The following GPC6 variants were observed in gnomAD, a reference collection of about 807,000 sequenced individuals.
GPC6 encodes glypican-6.
Under a neutral mutation model 55.2 loss-of-function variants are expected in GPC6, and 14 were observed. The observed-to-expected ratio is 0.25, with a 90% CI of 0.17 to 0.40. The LOEUF is 0.40. Ranked by LOEUF, GPC6 falls within the 10% of genes least tolerant of loss-of-function variation. GPC6 has a pLI of 1.00. For synonymous variants in GPC6, 278 were observed against 259.6 expected, an observed-to-expected ratio of 1.07 and a Z score of -0.68; for missense variants, 641 against 708.5, an observed-to-expected ratio of 0.90 and a Z score of 1.08.
intron 3 of GPC6, among the ~76,000 whole-genome samples, chr13:93,882,586 A>G (rs899263825): frequency 2.6e-5 from 4 of 151,976 alleles, no homozygotes; most frequent in African/African-American, 9.7e-5. Flanking sequence ...TAATTTGTAT[A>G]CATTAGAGAT....
At chr13:93,663,508 A>G (rs1881009146) in intron 2 of GPC6, among the ~76,000 whole-genome samples, 2 of 152,212 alleles carry the variant, frequency 1.3e-5, no homozygotes, top group Non-Finnish European at 2.9e-5. Context: ...CTGTCTGAGT[A>G]GATATATCTG....
chr13:93,874,743 C>T (rs1566580514), intron 3 of GPC6, among the ~76,000 whole-genome samples: 1 of 151,518 alleles, frequency 6.6e-6, no homozygotes, highest in Non-Finnish European at 1.5e-5. Context: ...GTTGTTATTC[C>T]CACCTGGAAC....
At chr13:93,340,202 T>C (rs937331853) in intron 1 of GPC6, among the ~76,000 whole-genome samples, 3 of 151,782 alleles carry the variant, frequency 2.0e-5, no homozygotes, top group South Asian at 2.1e-4. Flanking sequence ...GCCCGGCTAA[T>C]TTTTTGTATT....
At chr13:94,365,443 T>A (rs1262871912) in intron 6 of GPC6, among the ~76,000 whole-genome samples, 1 of 152,208 alleles carries the variant, frequency 6.6e-6, no homozygotes, top group African/African-American at 2.4e-5. Context: ...CATTGCATTA[T>A]AGCATAAATA....
intron 1 of GPC6, among the ~76,000 whole-genome samples, chr13:93,400,471 G>T (rs760466012): frequency 2.9e-5 from 4 of 138,092 alleles, no homozygotes; most frequent in Non-Finnish European, 6.5e-5. Flanking sequence ...GCGGGGACAG[G>T]GTGGGGGGAG....
intron 2 of GPC6, among the ~76,000 whole-genome samples, chr13:93,591,437 C>G (rs999982805): frequency 3.3e-5 from 5 of 149,536 alleles, no homozygotes; most frequent in African/African-American, 1.2e-4. Flanking sequence ...GCACTCCAGC[C>G]TGGGCGACAG....
chr13:94,395,283 A>G (rs1880848238), intron 7 of GPC6, among the ~76,000 whole-genome samples: 1 of 152,266 alleles, frequency 6.6e-6, no homozygotes, highest in African/African-American at 2.4e-5. Flanking sequence ...AGTAAAAGGC[A>G]GGACAGAAGT....
chr13:93,292,069 T>C (rs2139081365), intron 1 of GPC6, among the ~76,000 whole-genome samples: 1 of 152,312 alleles, frequency 6.6e-6, no homozygotes, highest in African/African-American at 2.4e-5. Flanking sequence ...TAAATGAGGG[T>C]TGACAGTATT....
At chr13:93,860,781 G>T (rs1197461086) in intron 3 of GPC6, among the ~76,000 whole-genome samples, 1 of 151,580 alleles carries the variant, frequency 6.6e-6, no homozygotes, top group African/African-American at 2.4e-5. Flanking sequence ...TTTATAGCTG[G>T]CCAAATCTGT....
intron 3 of GPC6, among the ~76,000 whole-genome samples, chr13:94,017,140 T>A (rs928649939): frequency 2.6e-5 from 4 of 152,218 alleles, no homozygotes; most frequent in African/African-American, 9.6e-5. Context: ...GCCAGTTTTC[T>A]TAACTTTCTT....
At chr13:94,117,476 T>C (rs1211196148) in intron 4 of GPC6, among the ~76,000 whole-genome samples, 1 of 152,114 alleles carries the variant, frequency 6.6e-6, no homozygotes, top group Non-Finnish European at 1.5e-5. Context: ...CCATTTACAA[T>C]ATAGGGCTTA....
chr13:94,334,494 A>T (rs1485026167), intron 6 of GPC6, among the ~76,000 whole-genome samples: 2 of 152,250 alleles, frequency 1.3e-5, no homozygotes, highest in Non-Finnish European at 2.9e-5. Context: ...AGTAAGATGG[A>T]GGACCACTGT....
At chr13:93,663,887 C>T (rs1166076381) in intron 2 of GPC6, among the ~76,000 whole-genome samples, 1 of 152,144 alleles carries the variant, frequency 6.6e-6, no homozygotes, top group Non-Finnish European at 1.5e-5. Flanking sequence ...GCTATAAGTT[C>T]CTTACCAAAA....
intron 1 of GPC6, among the ~76,000 whole-genome samples, chr13:93,255,435 T>A (rs925230449): frequency 6.6e-6 from 1 of 152,204 alleles, no homozygotes; most frequent in African/African-American, 2.4e-5. Flanking sequence ...CTCTTTTTTC[T>A]ATCACATTTC....
chr13:93,642,388 C>T (rs1879989687), intron 2 of GPC6, among the ~76,000 whole-genome samples: 1 of 151,950 alleles, frequency 6.6e-6, no homozygotes, highest in African/African-American at 2.4e-5. Flanking sequence ...TTATCCATTG[C>T]ACTGTTGATG....
rs1195952811 is a variant in GPC6 at position 93,316,255 on chromosome 13, CAG to C, written c.160+88644_160+88645del. On this transcript the variant is annotated intron_variant, in intron 1 of 8. Transcript: ENST00000377047. ...ATTCATGCCCTAGACTATTACCAAG[CAG>C]AGAGCTTGAAGGCAGTCCATTGTCC... Among the ~76,000 whole-genome samples, 3 of 152,130 alleles carry C rather than the reference CAG, an allele frequency of 2.0e-5. No individual in the cohort carries two copies. In the East Asian group the frequency reaches 5.8e-4, roughly 29 times the overall value.
chr13:93,630,043 A>G (rs1161862251), intron 2 of GPC6, among the ~76,000 whole-genome samples: 2 of 152,224 alleles, frequency 1.3e-5, no homozygotes, highest in Admixed American at 6.5e-5. Flanking sequence ...AAAGCACACA[A>G]CATTAGGTTT....
At chr13:94,330,127 A>G (rs947298882) in intron 6 of GPC6, among the ~76,000 whole-genome samples, 1 of 152,338 alleles carries the variant, frequency 6.6e-6, no homozygotes, top group East Asian at 1.9e-4. Flanking sequence ...AACTCCCTGC[A>G]TAAGTTTAAT....
intron 1 of GPC6, among the ~76,000 whole-genome samples, chr13:93,280,787 G>A (rs760270300): frequency 3.3e-5 from 5 of 152,192 alleles, no homozygotes; most frequent in Non-Finnish European, 7.3e-5. Context: ...CCGGGGATGC[G>A]GCTAGTTTCA....
Sources: allele counts gnomAD v4.1 joint callset (sites outside exome capture counted in the v4.1 genomes callset), GRCh38; gene constraint gnomAD v4.1.1; transcripts MANE v1.5; gene names NCBI Gene and HGNC (gene_info 2026-07-23, HGNC 2026-07-21).